The following DPP6 variants were observed in gnomAD, a reference collection of about 807,000 sequenced individuals.
DPP6 encodes the protein dipeptidyl peptidase like 6, also known as A-type potassium channel modulatory protein DPP6.
In DPP6, 69 loss-of-function variants were observed where a neutral mutation model predicts 122.6. The observed-to-expected ratio is 0.56, with a 90% CI of 0.46 to 0.69. The LOEUF (loss-of-function observed/expected upper bound fraction) is 0.69, where lower values mean the gene tolerates loss of function less well. DPP6 is among the 30% of genes least tolerant of loss of function. The pLI, the probability that DPP6 is intolerant of heterozygous loss-of-function variation, is 0.00. For synonymous variants in DPP6, 418 were observed against 433.1 expected (o/e 0.97, Z 0.43); for missense variants, 928 against 1,116.9 (o/e 0.83, Z 2.41).
chr7:154,177,030 C>T (rs115529206), intron 1 of DPP6, among the ~76,000 whole-genome samples: 3,244 of 152,008 alleles, frequency 0.021, 107 homozygotes, highest in African/African-American at 0.07. Flanking sequence ...GATGGAGTCT[C>T]GTCATGTTGC....
chr7:153,839,645 C>T, the DPP6 span, among the ~76,000 whole-genome samples: 5 of 152,208 alleles, frequency 3.3e-5, no homozygotes, highest in African/African-American at 9.6e-5. Flanking sequence ...GAAAAACACA[C>T]GTTTTCACAG....
chr7:154,733,582 T>A (rs1436751836), intron 8 of DPP6, among the ~76,000 whole-genome samples: 2 of 152,224 alleles, frequency 1.3e-5, no homozygotes, highest in Non-Finnish European at 2.9e-5. Context: ...AAATTTGAGT[T>A]AATGAATTTT....
intron 17 of DPP6, among the ~76,000 whole-genome samples, chr7:154,858,817 G>T (rs547871649): frequency 6.6e-6 from 1 of 152,284 alleles, no homozygotes; most frequent in African/African-American, 2.4e-5. Context: ...TAGCCCCCAG[G>T]CAGCAGTCTT....
At chr7:154,059,826 C>CTAAACAACTAG in intron 1 of DPP6, among the ~76,000 whole-genome samples, 1 of 151,398 alleles carries the variant, frequency 6.6e-6, no homozygotes, top group Non-Finnish European at 1.5e-5. Flanking sequence ...GCCTACGTCT[C>CTAAACAACTAG]TAAACAACTA....
chr7:154,252,027 A>T (rs146123918), intron 1 of DPP6, among the ~76,000 whole-genome samples: 2 of 152,370 alleles, frequency 1.3e-5, no homozygotes, highest in East Asian at 3.9e-4. Context: ...GCACCTTGTG[A>T]AATAACATAT....
At chr7:153,821,591 T>C in the DPP6 span, among the ~76,000 whole-genome samples, 1 of 96,852 alleles carries the variant, frequency 1.0e-5, no homozygotes, top group East Asian at 2.7e-4. Context: ...TAGCTGGCTT[T>C]GTCTAATGGT....
At chr7:153,789,258 T>C in the DPP6 span, among the ~76,000 whole-genome samples, 1 of 152,226 alleles carries the variant, frequency 6.6e-6, no homozygotes, top group Non-Finnish European at 1.5e-5. Context: ...AATGTTATCT[T>C]AGATCCAATC....
intron 1 of DPP6, among the ~76,000 whole-genome samples, chr7:153,907,324 A>C (rs1407934972): frequency 6.6e-6 from 1 of 152,172 alleles, no homozygotes; most frequent in Non-Finnish European, 1.5e-5. Flanking sequence ...GTGTGGATCA[A>C]ATCACAGCTG....
intron 6 of DPP6, among the ~76,000 whole-genome samples, chr7:154,655,592 C>T (rs1195235941): frequency 6.6e-6 from 1 of 152,218 alleles, no homozygotes; most frequent in Non-Finnish European, 1.5e-5. Flanking sequence ...TTCTCTTTCT[C>T]TCTGCCTGTC....
chr7:154,085,509 T>G (rs1028718394), intron 1 of DPP6, among the ~76,000 whole-genome samples: 1 of 152,194 alleles, frequency 6.6e-6, no homozygotes, highest in African/African-American at 2.4e-5. Context: ...AATAAGTAAG[T>G]TTTTAAAGTT....
chr7:154,541,598 C>G lies in DPP6; in HGVS notation c.552+972C>G, dbSNP rs977794585. 2.6e-4 allele frequency among the ~76,000 whole-genome samples: 40 copies of G among 152,156 alleles called. 1 individual carries two copies. The highest frequency in any genetic ancestry group is 9.7e-4 in the African/African-American group (40 of 41,426). On this transcript the variant is annotated intron_variant, in intron 4 of 25. Transcript: ENST00000377770. ...TATTAGAATAAATAAATCTCCAACT[C>G]AAAGCAGTTGATTCTTTTCTTGTTT... is the stretch of plus-strand genomic sequence containing the variant.
chr7:154,737,270 A>AC (rs2131397591), intron 8 of DPP6, among the ~76,000 whole-genome samples: 1 of 151,844 alleles, frequency 6.6e-6, no homozygotes, highest in East Asian at 1.9e-4. Context: ...GGTTCCAGGA[A>AC]CCCCACTGCA....
At chr7:154,294,424 G>A (rs1412757865) in intron 1 of DPP6, among the ~76,000 whole-genome samples, 5 of 152,026 alleles carry the variant, frequency 3.3e-5, no homozygotes, top group Non-Finnish European at 7.4e-5. Flanking sequence ...CATTTATATT[G>A]TCATTTACAC....
At chr7:154,324,867 A>ATTTTTTTTTTTTTTTTTT (rs143944650) in intron 1 of DPP6, among the ~76,000 whole-genome samples, 2 of 113,088 alleles carry the variant, frequency 1.8e-5, no homozygotes, top group Non-Finnish European at 3.4e-5. Flanking sequence ...TCCTTTTGTT[A>ATTTTTTTTTTTTTTTTTT]TTTTTTTTTT....
At chr7:154,015,640 C>T (rs1335648221) in intron 1 of DPP6, among the ~76,000 whole-genome samples, 1 of 152,148 alleles carries the variant, frequency 6.6e-6, no homozygotes, top group African/African-American at 2.4e-5. Flanking sequence ...CGTTCGTTCA[C>T]TTTCCATTTC....
chr7:154,184,416 G>A (rs1215860413), intron 1 of DPP6, among the ~76,000 whole-genome samples: 1 of 151,840 alleles, frequency 6.6e-6, no homozygotes, highest in African/African-American at 2.4e-5. Flanking sequence ...TGTGCTGCAC[G>A]GTGAAGTCTG....
chr7:153,871,192 A>G, the DPP6 span, among the ~76,000 whole-genome samples: 1 of 152,204 alleles, frequency 6.6e-6, no homozygotes, highest in Non-Finnish European at 1.5e-5. Context: ...AGACAGCGAC[A>G]TTTAAGTCTG....
intron 1 of DPP6, among the ~76,000 whole-genome samples, chr7:154,022,765 A>G (rs1798766736): frequency 3.9e-5 from 6 of 152,234 alleles, no homozygotes; most frequent in Admixed American, 3.9e-4. Flanking sequence ...GGAACTCACC[A>G]GCAGAGGTGG....
intron 17 of DPP6, among the ~76,000 whole-genome samples, chr7:154,861,017 G>A (rs1376848359): frequency 2.6e-5 from 4 of 152,196 alleles, no homozygotes; most frequent in South Asian, 2.1e-4. Flanking sequence ...AAAAAATTTC[G>A]AAAGCAGCCT....
Sources: allele counts gnomAD v4.1 joint callset (sites outside exome capture counted in the v4.1 genomes callset), GRCh38; gene constraint gnomAD v4.1.1; transcripts MANE v1.5; gene names NCBI Gene and HGNC (gene_info 2026-07-23, HGNC 2026-07-21).